Variants in TMEM132C observed in about 807,000 individuals in gnomAD.
The protein encoded by TMEM132C is transmembrane protein 132C.
A neutral mutation model predicts 61.4 loss-of-function variants in TMEM132C; 29 were observed. The observed-to-expected ratio is 0.47, with a 90% CI of 0.35 to 0.64. The LOEUF is 0.64. Ranked by LOEUF, TMEM132C falls within the 30% of genes least tolerant of loss-of-function variation. The probability of loss-of-function intolerance (pLI) is 0.00; values close to 1 mark genes in which losing one functional copy is unlikely to be tolerated. For synonymous variants in TMEM132C, 656 were observed against 633.1 expected (o/e 1.04, Z -0.54); for missense variants, 1,408 against 1,476.9 (o/e 0.95, Z 0.76).
At chr12:128,639,866 T>A (rs528309298) in intron 4 of TMEM132C, among the ~76,000 whole-genome samples, 4 of 152,232 alleles carry the variant, frequency 2.6e-5, no homozygotes, top group Non-Finnish European at 4.4e-5. Context: ...GTGGCTATGT[T>A]AATACCATTT....
At chr12:128,602,433 C>T (rs879943851) in intron 3 of TMEM132C, among the ~76,000 whole-genome samples, 6 of 152,232 alleles carry the variant, frequency 3.9e-5, no homozygotes, top group East Asian at 1.9e-4. Flanking sequence ...TTCAACCTCT[C>T]GAGCTCTGCC....
intron 2 of TMEM132C, among the ~76,000 whole-genome samples, chr12:128,538,977 G>A (rs1396412590): frequency 1.3e-5 from 2 of 151,890 alleles, no homozygotes; most frequent in Non-Finnish European, 2.9e-5. Flanking sequence ...AAACTGATTG[G>A]GTTTTATTCT....
chr12:128,615,117 A>T lies in TMEM132C; in HGVS notation c.1122-1035A>T, dbSNP rs1876756009. On this transcript the variant is annotated intron_variant, in intron 3 of 8. Coordinates refer to ENST00000435159, the MANE Select transcript of TMEM132C (RefSeq NM_001136103.3). ...CTGGAGCAAACTGCTTCAATCCTGC[A>T]TCTAGCAGCAAGGGGTTCTGAGAAT... 2.0e-5 allele frequency among the ~76,000 whole-genome samples: 3 copies of T among 152,182 alleles called. No individual in the cohort carries two copies. The South Asian group carries it at 6.2e-4, about 32-fold the overall frequency.
Position 128,705,663 on chromosome 12 carries a change from G to T in TMEM132C, c.2695G>T (p.Val899Leu). Residue 899 changes from valine (V) to leucine (L), a missense_variant, in exon 9 of 9, where the codon GTG becomes TTG. Coordinates refer to ENST00000435159, the MANE Select transcript of TMEM132C (RefSeq NM_001136103.3). ...PIDFTNFPAH[V>L]DLPKAGSGLE... ...TGACTTCACCAACTTCCCTGCCCAC[G>T]TGGACCTCCCCAAGGCCGGGAGTGG... The T allele has an allele frequency of 1.3e-6, 2 of 1,551,264 alleles. No individual in the cohort carries two copies. The highest frequency in any genetic ancestry group is 1.2e-5 in the South Asian group (1 of 84,064).
At chr12:128,609,813 G>C (rs1876568712) in intron 3 of TMEM132C, among the ~76,000 whole-genome samples, 1 of 152,180 alleles carries the variant, frequency 6.6e-6, no homozygotes. Flanking sequence ...TTGAATGAGG[G>C]ATCCTTAAGG....
At chr12:128,596,543 C>T (rs533926096) in intron 3 of TMEM132C, among the ~76,000 whole-genome samples, 11 of 151,398 alleles carry the variant, frequency 7.3e-5, no homozygotes, top group Middle Eastern at 3.4e-3. Context: ...CTTCACTGAT[C>T]CCTGTTCTGT....
rs192796483 is a variant in TMEM132C, at chr12:128,590,478, C to T, written c.1122-25674C>T. On this transcript the variant is annotated intron_variant, in intron 3 of 8. Coordinates refer to ENST00000435159, the MANE Select transcript of TMEM132C (RefSeq NM_001136103.3). ...TGACAGTTGGCAAACTGTGGCGTAACGTAGCTGCACAGTCAGAGCCAAGGC... is the reference window on the plus strand; with the variant it reads ...TGACAGTTGGCAAACTGTGGCGTAATGTAGCTGCACAGTCAGAGCCAAGGC... Among the ~76,000 whole-genome samples the T allele has an allele frequency of 1.1e-4, 17 of 152,312 alleles. 1 individual carries two copies. Among genetic ancestry groups the T allele is most frequent in the Admixed American group, 3.9e-4 (6 of 15,310 alleles).
intron 1 of TMEM132C, among the ~76,000 whole-genome samples, chr12:128,384,108 A>G (rs951779173): frequency 2.0e-5 from 3 of 152,234 alleles, no homozygotes; most frequent in Admixed American, 6.5e-5. Flanking sequence ...CAGGTTCCAG[A>G]AAAGGGGACA....
intron 3 of TMEM132C, among the ~76,000 whole-genome samples, chr12:128,552,035 C>T (rs768216234): frequency 3.9e-5 from 6 of 152,220 alleles, no homozygotes; most frequent in Non-Finnish European, 7.3e-5. Flanking sequence ...GGGGGGACTC[C>T]GTGTTGGGAA....
At chr12:128,525,589 T>A (rs754320360) in intron 2 of TMEM132C, among the ~76,000 whole-genome samples, 1 of 152,172 alleles carries the variant, frequency 6.6e-6, no homozygotes, top group Non-Finnish European at 1.5e-5. Context: ...ATCTGAGTTT[T>A]GCACACGCCC....
chr12:128,567,924 G>A (rs551966248), intron 3 of TMEM132C, among the ~76,000 whole-genome samples: 5 of 152,330 alleles, frequency 3.3e-5, no homozygotes, highest in Admixed American at 1.3e-4. Context: ...GTGCTGCACC[G>A]TGGGAGCCCC....
At chr12:128,526,440 G>T (rs765548266) in intron 2 of TMEM132C, among the ~76,000 whole-genome samples, 66 of 152,174 alleles carry the variant, frequency 4.3e-4, no homozygotes, top group Non-Finnish European at 8.2e-4. Context: ...CATTCATGAG[G>T]GTTCCACCCT....
chr12:128,437,359 A>G (rs1410289144), intron 2 of TMEM132C, among the ~76,000 whole-genome samples: 2 of 152,198 alleles, frequency 1.3e-5, no homozygotes, highest in African/African-American at 4.8e-5. Context: ...TTACTGAACA[A>G]GGAGGCTGGG....
intron 3 of TMEM132C, among the ~76,000 whole-genome samples, chr12:128,576,239 C>T (rs1565979075): frequency 3.4e-5 from 5 of 145,224 alleles, no homozygotes; most frequent in Admixed American, 1.4e-4. Context: ...GGGTACAGAG[C>T]GAGACTCTGA....
At chr12:128,317,670 A>C (rs767960701) in intron 1 of TMEM132C, among the ~76,000 whole-genome samples, 27 of 152,204 alleles carry the variant, frequency 1.8e-4, no homozygotes, top group Admixed American at 8.5e-4. Flanking sequence ...GGATCTCTTG[A>C]GGTCAGCAGT....
chr12:128,590,638 T>G (rs1430963723), intron 3 of TMEM132C, among the ~76,000 whole-genome samples: 1 of 151,978 alleles, frequency 6.6e-6, no homozygotes, highest in Non-Finnish European at 1.5e-5. Flanking sequence ...CCTGCCAGAT[T>G]AAGGAGAATG....
chr12:128,383,818 C>G (rs1293153730), intron 1 of TMEM132C, among the ~76,000 whole-genome samples: 1 of 152,180 alleles, frequency 6.6e-6, no homozygotes, highest in Admixed American at 6.5e-5. Context: ...TTGCAAAGTT[C>G]TGCTCTGCTT....
intron 2 of TMEM132C, among the ~76,000 whole-genome samples, chr12:128,464,736 G>T (rs1354210992): frequency 6.6e-6 from 1 of 151,928 alleles, no homozygotes. Context: ...CTGCACTCTA[G>T]CCTGGGCAGC....
At chr12:128,355,161 G>A (rs2135966124) in intron 1 of TMEM132C, among the ~76,000 whole-genome samples, 1 of 152,252 alleles carries the variant, frequency 6.6e-6, no homozygotes, top group South Asian at 2.1e-4. Context: ...GCCCAAAGAA[G>A]AAACAACCCT....
Sources: allele counts gnomAD v4.1 joint callset (sites outside exome capture counted in the v4.1 genomes callset), GRCh38; gene constraint gnomAD v4.1.1; transcripts MANE v1.5; gene names NCBI Gene and HGNC (gene_info 2026-07-23, HGNC 2026-07-21).